RBFOX1: variants seen among roughly 807,000 people sequenced by gnomAD.
The protein encoded by RBFOX1 is RNA binding fox-1 homolog 1.
Under a neutral mutation model 57.7 loss-of-function variants are expected in RBFOX1, and 8 were observed. The ratio of observed to expected loss-of-function variants is 0.14; its 90% CI spans 0.08 to 0.25. The LOEUF (loss-of-function observed/expected upper bound fraction) is 0.25. RBFOX1 is among the 10% of genes least tolerant of loss of function. The probability of loss-of-function intolerance (pLI) is 1.00; values close to 1 mark genes in which losing one functional copy is unlikely to be tolerated. For synonymous variants in RBFOX1, 326 were observed against 222.4 expected (o/e 1.47, Z -4.15); for missense variants, 611 against 548.5 (o/e 1.11, Z -1.14).
In RBFOX1 at chr16:6,893,936, TAGAG is replaced by T. The variant is rs370417617; in HGVS notation, c.-15-158117_-15-158114del. ...AGCAAGCTGACCTGGAGAATGAACA[TAGAG>T]AGAACATGATAATTAACCAAGTGCT... On this transcript the variant is annotated intron_variant, in intron 3 of 15. Coordinates refer to ENST00000550418, the MANE Select transcript of RBFOX1 (RefSeq NM_018723.4). Among the ~76,000 whole-genome samples the T allele has an allele frequency of 2.4e-4, 37 of 152,286 alleles. 1 individual carries two copies. Among genetic ancestry groups the T allele is most frequent in the East Asian group, 7.7e-4 (4 of 5,172 alleles).
At position 5,841,774 on chromosome 16, in the gene RBFOX1, A is replaced by T. The variant is rs138441135; in HGVS notation, c.319-25529A>T. 7.5e-4 allele frequency among the ~76,000 whole-genome samples: 115 copies of T among 152,320 alleles called. 1 individual carries two copies. The highest frequency in any genetic ancestry group is 3.4e-3 in the Middle Eastern group (1 of 294). ...CCCATCAACTGAACAGGCCTGATGCAGCCCAGTTCTCATTTCAGCATCGAG... is the reference window on the plus strand; with the variant it reads ...CCCATCAACTGAACAGGCCTGATGCTGCCCAGTTCTCATTTCAGCATCGAG... On this transcript the variant is annotated intron_variant, in intron 3 of 19. Transcript: ENST00000641259.
Position 7,003,314 on chromosome 16 carries a change from G to C in RBFOX1, c.-15-48743G>C, listed in dbSNP as rs1330694409. Among the ~76,000 whole-genome samples, 3 of 152,064 alleles carry C rather than the reference G, an allele frequency of 2.0e-5. No homozygotes were observed. In the East Asian group the frequency reaches 5.8e-4, roughly 29 times the overall value. On this transcript the variant is annotated intron_variant, in intron 3 of 15. Transcript: ENST00000550418. ...GTCTCTACTAAAAGTGCAAAAATTA[G>C]CTGGGCGTGATGGTGAGCACTTGTA...
chr16:5,376,530 G>A (rs1339103751), intron 1 of RBFOX1, among the ~76,000 whole-genome samples: 1 of 152,182 alleles, frequency 6.6e-6, no homozygotes, highest in Non-Finnish European at 1.5e-5. Flanking sequence ...GGAGAGTCGG[G>A]AAAGGCAGCA....
chr16:7,089,014 T>TG (rs2060411416), intron 4 of RBFOX1, among the ~76,000 whole-genome samples: 1 of 152,204 alleles, frequency 6.6e-6, no homozygotes, highest in Admixed American at 6.5e-5. Flanking sequence ...TTAATCACAT[T>TG]GGTTCTTTGA....
intron 1 of RBFOX1, among the ~76,000 whole-genome samples, chr16:6,281,315 A>C (rs1291918798): frequency 6.6e-6 from 1 of 152,104 alleles, no homozygotes; most frequent in Non-Finnish European, 1.5e-5. Flanking sequence ...TTTTCAGAGG[A>C]GGAAGATGCA....
In RBFOX1 at chr16:7,438,151, G is replaced by T. The variant is rs568066080; in HGVS notation, c.28-79996G>T. Among the ~76,000 whole-genome samples, 5 of 152,240 alleles carry T rather than the reference G, an allele frequency of 3.3e-5. No homozygotes were observed. The East Asian group carries it at 9.7e-4, about 29-fold the overall frequency. On this transcript the variant is annotated intron_variant, in intron 4 of 15. Transcript: ENST00000550418. ...TCTTGGCAGGTGGGAATTTAAAAAAGAAAAGATTATATAAGAAAAATCAGA... is the reference window on the plus strand; with the variant it reads ...TCTTGGCAGGTGGGAATTTAAAAAATAAAAGATTATATAAGAAAAATCAGA...
chr16:6,015,236 A>G (rs2094986234), upstream of RBFOX1, among the ~76,000 whole-genome samples: 1 of 151,982 alleles, frequency 6.6e-6, no homozygotes. Flanking sequence ...TTAATATATC[A>G]CTGATAATCT....
intron 1 of RBFOX1, among the ~76,000 whole-genome samples, chr16:6,179,149 TA>T (rs2097040652): frequency 6.6e-6 from 1 of 152,142 alleles, no homozygotes; most frequent in Non-Finnish European, 1.5e-5. Flanking sequence ...AAGGAGCCCT[TA>T]AAGCAGTTGT....
At chr16:7,581,398 C>A (rs1421391389) in intron 6 of RBFOX1, among the ~76,000 whole-genome samples, 1 of 152,110 alleles carries the variant, frequency 6.6e-6, no homozygotes, top group Non-Finnish European at 1.5e-5. Flanking sequence ...GAGTTATATT[C>A]TCTTTGCCGT....
intron 3 of RBFOX1, among the ~76,000 whole-genome samples, chr16:6,987,031 C>G (rs1443891961): frequency 6.6e-6 from 1 of 152,082 alleles, no homozygotes; most frequent in African/African-American, 2.4e-5. Flanking sequence ...ATGAAACTTG[C>G]AAATAAGGCC....
intron 4 of RBFOX1, among the ~76,000 whole-genome samples, chr16:7,056,438 G>T: frequency 6.6e-6 from 1 of 152,124 alleles, no homozygotes; most frequent in South Asian, 2.1e-4. Flanking sequence ...AACCACTCCT[G>T]ATCCTATAGG....
At chr16:7,152,441 A>G (rs1361680988) in intron 4 of RBFOX1, among the ~76,000 whole-genome samples, 2 of 152,202 alleles carry the variant, frequency 1.3e-5, no homozygotes, top group Admixed American at 6.5e-5. Flanking sequence ...TCAATTGTTA[A>G]TGGTTATCAT....
chr16:6,971,283 G>A (rs1254047659), intron 3 of RBFOX1, among the ~76,000 whole-genome samples: 1 of 152,174 alleles, frequency 6.6e-6, no homozygotes, highest in East Asian at 1.9e-4. Flanking sequence ...GGATTCATAT[G>A]TAAGCTGAGA....
intron 3 of RBFOX1, among the ~76,000 whole-genome samples, chr16:6,881,026 T>C (rs1341026398): frequency 1.3e-5 from 2 of 152,154 alleles, no homozygotes; most frequent in Admixed American, 1.3e-4. Flanking sequence ...GCCCATACCC[T>C]CCACCTTCCC....
chr16:7,297,006 G>C (rs962020951), intron 4 of RBFOX1, among the ~76,000 whole-genome samples: 11 of 152,178 alleles, frequency 7.2e-5, no homozygotes. Flanking sequence ...CAGGGGAAGA[G>C]CTGGGTTGAA....
intron 2 of RBFOX1, among the ~76,000 whole-genome samples, chr16:6,635,892 G>C (rs916983572): frequency 6.6e-6 from 1 of 152,062 alleles, no homozygotes; most frequent in Non-Finnish European, 1.5e-5. Context: ...TTGGATTTCA[G>C]ATTTCTTTTT....
At chr16:7,656,598 T>A (rs565712612) in intron 12 of RBFOX1, among the ~76,000 whole-genome samples, 1 of 152,338 alleles carries the variant, frequency 6.6e-6, no homozygotes, top group South Asian at 2.1e-4. Flanking sequence ...CTGTAGCCTT[T>A]TATCTCTAAA....
At position 5,984,477 on chromosome 16, in the gene RBFOX1, T is replaced by C. The variant is rs565265648; in HGVS notation, c.351+117142T>C. Among the ~76,000 whole-genome samples the C allele has an allele frequency of 3.6e-3, 554 of 152,116 alleles. 1 individual carries two copies. The highest frequency in any genetic ancestry group is 5.8e-3 in the Non-Finnish European group (392 of 67,996). ...TCCAGCCATAGTTATCCCAGTGAAC[T>C]GTCAAGTCCTGAGCATTGTCTGTGT... On this transcript the variant is annotated intron_variant, in intron 4 of 19. Coordinates refer to the RBFOX1 transcript ENST00000641259.
At chr16:7,704,009 T>C (rs2081601213) in intron 14 of RBFOX1, among the ~76,000 whole-genome samples, 1 of 152,168 alleles carries the variant, frequency 6.6e-6, no homozygotes, top group Non-Finnish European at 1.5e-5. Context: ...GTAGGTGGCT[T>C]AATATTTACC....
Sources: allele counts gnomAD v4.1 joint callset (sites outside exome capture counted in the v4.1 genomes callset), GRCh38; gene constraint gnomAD v4.1.1; transcripts MANE v1.5; gene names NCBI Gene and HGNC (gene_info 2026-07-23, HGNC 2026-07-21).